GPC1: variants seen among roughly 807,000 people sequenced by gnomAD.
GPC1 encodes the protein glypican 1.
Under a neutral mutation model 51.5 loss-of-function variants are expected in GPC1, and 26 were observed. The observed-to-expected ratio is 0.50, with a 90% CI of 0.37 to 0.70. GPC1 has a LOEUF of 0.70. GPC1 is among the 30% of genes least tolerant of loss of function. GPC1 has a pLI of 0.00. For missense variants in GPC1, 775 were observed against 800.5 expected (o/e 0.97, Z 0.38); for synonymous variants, 380 against 348.3 (o/e 1.09, Z -1.01).
intron 4 of GPC1, chr2:240,463,879 G>A (rs912637256): frequency 1.0e-5 from 3 of 294,478 alleles, no homozygotes; most frequent in Non-Finnish European, 1.9e-5. Flanking sequence ...TGACACATGC[G>A]AACTGGCGTG....
At chr2:240,452,904 CT>C (rs1239949289) in intron 1 of GPC1, 2 of 275,068 alleles carry the variant, frequency 7.3e-6, no homozygotes, top group Admixed American at 4.6e-5. Flanking sequence ...CCCCCGCTGG[CT>C]TTTCGCCTCC....
chr2:240,466,070 G>A lies in GPC1; in HGVS notation c.1457G>A (p.Ser486Asn). The change falls in exon 9 of 9, where the codon AGC (serine) becomes AAC (asparagine). Residue 486 changes from serine (S) to asparagine (N), a missense_variant. Ser to Asn is a conservative substitution (Grantham distance 46, BLOSUM62 1). Coordinates refer to ENST00000264039, the MANE Select transcript of GPC1 (RefSeq NM_002081.3). ...VDFQDASDDG[S>N]GSGSGDGCLD... ...CTCTCCTTCCCAGGTGACGACGGCA[G>A]CGGCTCGGGCAGCGGTGATGGCTGT... 1 of 1,609,612 alleles carries A rather than the reference G, an allele frequency of 6.2e-7. No homozygotes were observed. The highest frequency in any genetic ancestry group is 8.5e-7 in the Non-Finnish European group (1 of 1,178,066).
At chr2:240,464,211 G>C (rs1214429784) in intron 4 of GPC1, 1 of 262,346 alleles carries the variant, frequency 3.8e-6, no homozygotes, top group Non-Finnish European at 7.6e-6. Context: ...GTGTACATGG[G>C]GGGGGCATGA....
Position 240,463,389 on chromosome 2 carries a change from G to T in GPC1, c.760G>T (p.Val254Phe). The T allele has an allele frequency of 6.2e-7, 1 of 1,612,886 alleles. No homozygotes were observed. Among genetic ancestry groups the T allele is most frequent in the East Asian group, 2.2e-5 (1 of 44,860 alleles). The change falls in exon 4 of 9, where the codon GTC (valine) becomes TTC (phenylalanine). Residue 254 changes from valine (V) to phenylalanine (F), a missense_variant. By Grantham distance (50) the Val-to-Phe change is conservative. Coordinates refer to ENST00000264039, the MANE Select transcript of GPC1 (RefSeq NM_002081.3). ...GTGCTCGAGAGCTGTCATGAAGCTG[G>T]TCTACTGTGCTCACTGCCTGGGAGT... The part of the protein sequence containing the change: ...PECSRAVMKL[V>F]YCAHCLGVPG...
At chr2:240,445,907 G>A (rs1000735426) in intron 1 of GPC1, among the ~76,000 whole-genome samples, 10 of 152,148 alleles carry the variant, frequency 6.6e-5, no homozygotes, top group African/African-American at 2.4e-4. Context: ...GGCTTCCCGG[G>A]GAAGCACGTG....
intron 1 of GPC1, among the ~76,000 whole-genome samples, chr2:240,447,606 G>T (rs1009165024): frequency 6.6e-6 from 1 of 152,200 alleles, no homozygotes; most frequent in Admixed American, 6.5e-5. Context: ...GGTGGCCGTC[G>T]TCTTAGCAAA....
intron 1 of GPC1, among the ~76,000 whole-genome samples, chr2:240,445,533 C>T (rs560533271): frequency 5.3e-5 from 8 of 152,268 alleles, no homozygotes; most frequent in East Asian, 1.9e-4. Flanking sequence ...CACCACTCAG[C>T]GCCAGGTGCT....
chr2:240,436,830 G>T (rs1000693090), intron 1 of GPC1, among the ~76,000 whole-genome samples: 3 of 152,246 alleles, frequency 2.0e-5, no homozygotes, highest in Admixed American at 6.5e-5. Context: ...GTTGGATCCC[G>T]CCCAGGGGCC....
chr2:240,457,889 C>A, intron 1 of GPC1: 1 of 360,838 alleles, frequency 2.8e-6, no homozygotes, highest in Non-Finnish European at 5.7e-6. Context: ...AGGAAAGTTG[C>A]TGGAATTCCT....
At position 240,465,182 on chromosome 2, in the gene GPC1, C is replaced by A. The variant is rs1213175751; in HGVS notation, c.1240C>A (p.Arg414Ser). The change falls in exon 7 of 9, where the codon CGC becomes AGC. Residue 414 changes from arginine to serine, a missense_variant. By Grantham distance (110) the Arg-to-Ser change is moderately radical. Transcript: ENST00000264039. ...GGCCCTGAGCACTGCCAGTGATGAC[C>A]GCTGCTGGAACGGGATGGCCAGAGG... ...KMALSTASDD[R>S]CWNGMARGRY... 1.9e-6 allele frequency: 3 copies of A among 1,611,604 alleles called. No homozygotes were observed. The highest frequency in any genetic ancestry group is 1.3e-5 in the African/African-American group (1 of 74,922).
intron 5 of GPC1, 39 bp from the exon 6 acceptor site, chr2:240,464,817 G>A (rs1387827613): frequency 1.3e-6 from 2 of 1,565,138 alleles, no homozygotes; most frequent in African/African-American, 1.4e-5. Flanking sequence ...GGCTTGAGGG[G>A]CCCCACTACC....
At chr2:240,438,080 C>A (rs1173228189) in intron 1 of GPC1, among the ~76,000 whole-genome samples, 1 of 152,148 alleles carries the variant, frequency 6.6e-6, no homozygotes, top group Non-Finnish European at 1.5e-5. Context: ...GCTGTCCACC[C>A]CGCGTGGGGA....
Position 240,465,770 on chromosome 2 carries a change from G to A in GPC1, c.1444+122G>A, listed in dbSNP as rs1054928826. ...CTCTGCTCCGGCATCACCACAGTGA[G>A]TCTGAGGACGCTGTGCTGCCCAGGC... On this transcript the variant is annotated intron_variant, in intron 8 of 8. Coordinates refer to ENST00000264039, the MANE Select transcript of GPC1 (RefSeq NM_002081.3). 6.2e-6 allele frequency: 5 copies of A among 811,400 alleles called. No homozygotes were observed. The Admixed American group carries it at 1.2e-4, about 19-fold the overall frequency. 50.3% of individuals were successfully genotyped at this position (811,400 alleles called of 1,614,324 possible). A position where few individuals can be genotyped will look rare whatever the true frequency, so the allele number is the denominator to read the frequency against.
chr2:240,456,929 G>T (rs2074170298), intron 1 of GPC1, among the ~76,000 whole-genome samples: 1 of 152,158 alleles, frequency 6.6e-6, no homozygotes, highest in Admixed American at 6.5e-5. Flanking sequence ...AGGCCCCAGG[G>T]CTCTCAGAGC....
At chr2:240,454,014 G>A (rs2074132012) in intron 1 of GPC1, among the ~76,000 whole-genome samples, 1 of 152,164 alleles carries the variant, frequency 6.6e-6, no homozygotes, top group South Asian at 2.1e-4. Context: ...GAGGTTCTGC[G>A]GCGGCGGAGG....
chr2:240,447,795 G>A (rs1559195648), intron 1 of GPC1, among the ~76,000 whole-genome samples: 1 of 152,152 alleles, frequency 6.6e-6, no homozygotes, highest in Non-Finnish European at 1.5e-5. Flanking sequence ...CTTTCTCTAA[G>A]TCCCATCTTC....
At position 240,463,389 on chromosome 2, in the gene GPC1, G is replaced by A; in HGVS notation, c.760G>A (p.Val254Ile). The A allele has an allele frequency of 6.2e-7, 1 of 1,612,886 alleles. No homozygotes were observed. Among genetic ancestry groups the A allele is most frequent in the South Asian group, 1.1e-5 (1 of 91,076 alleles). ...PECSRAVMKL[V>I]YCAHCLGVPG... is the part of the protein sequence containing the mutation. ...GTGCTCGAGAGCTGTCATGAAGCTGGTCTACTGTGCTCACTGCCTGGGAGT... is the reference window on the plus strand; with the variant it reads ...GTGCTCGAGAGCTGTCATGAAGCTGATCTACTGTGCTCACTGCCTGGGAGT... The change falls in exon 4 of 9, where the codon GTC becomes ATC. Residue 254 changes from valine to isoleucine, a missense_variant. Coordinates refer to ENST00000264039, the MANE Select transcript of GPC1 (RefSeq NM_002081.3).
intron 1 of GPC1, chr2:240,458,530 C>T (rs1419539424): frequency 5.7e-6 from 1 of 173,976 alleles, no homozygotes; most frequent in African/African-American, 2.3e-5. Flanking sequence ...TGCAGGGCCA[C>T]TGCCTCTGAC....
intron 1 of GPC1, among the ~76,000 whole-genome samples, chr2:240,441,388 C>CA (rs1553544887): frequency 6.6e-6 from 1 of 152,244 alleles, no homozygotes; most frequent in East Asian, 1.9e-4. Context: ...CTGCCGTGCC[C>CA]GGGCCAGTGA....
Sources: gnomAD v4.1 joint callset for allele counts (sites outside exome capture counted in the v4.1 genomes callset) on GRCh38, gnomAD v4.1.1 for gene constraint, MANE v1.5 for transcripts, NCBI Gene and HGNC (gene_info 2026-07-23, HGNC 2026-07-21) for gene names.